The following SLCO5A1 variants were observed in gnomAD, a reference collection of about 807,000 sequenced individuals.
SLCO5A1 encodes organic anion transporter polypeptide-related protein 4.
A neutral mutation model predicts 65.1 loss-of-function variants in SLCO5A1; 39 were observed. The ratio of observed to expected loss-of-function variants is 0.60; its 90% confidence interval spans 0.46 to 0.78. The LOEUF is 0.78. SLCO5A1 is among the 30% of genes least tolerant of loss of function. The pLI is 0.00. For missense variants in SLCO5A1, 1,029 were observed against 1,069.4 expected (o/e 0.96, Z 0.53); for synonymous variants, 438 against 415.7 (o/e 1.05, Z -0.65).
chr8:69,685,520 G>A (rs987614192), intron 6 of SLCO5A1, among the ~76,000 whole-genome samples: 9 of 152,200 alleles, frequency 5.9e-5, no homozygotes, highest in African/African-American at 1.7e-4. Context: ...TAAGAGAATC[G>A]TGTTAACTCA....
chr8:69,800,804 C>T (rs887150582), intron 2 of SLCO5A1, among the ~76,000 whole-genome samples: 6 of 152,174 alleles, frequency 3.9e-5, no homozygotes, highest in Non-Finnish European at 5.9e-5. Flanking sequence ...AACGTTGCCA[C>T]CCCTTTGACA....
At chr8:69,784,796 A>G (rs1443896845) in intron 2 of SLCO5A1, among the ~76,000 whole-genome samples, 1 of 128,610 alleles carries the variant, frequency 7.8e-6, no homozygotes, top group Non-Finnish European at 1.6e-5. Context: ...TGAAAAAAAA[A>G]GAAAGAAAGA....
At chr8:69,718,777 T>C (rs1397508311) in intron 5 of SLCO5A1, among the ~76,000 whole-genome samples, 1 of 152,164 alleles carries the variant, frequency 6.6e-6, no homozygotes, top group East Asian at 1.9e-4. Context: ...GTAACTAAAA[T>C]TCCTGCCCAG....
At chr8:69,795,739 G>A (rs899972700) in intron 2 of SLCO5A1, among the ~76,000 whole-genome samples, 17 of 152,320 alleles carry the variant, frequency 1.1e-4, no homozygotes, top group Middle Eastern at 3.4e-3. Context: ...TTGTGTGGGG[G>A]CTCCAACCCC....
intron 2 of SLCO5A1, among the ~76,000 whole-genome samples, chr8:69,784,848 A>AAAGAAAGAAAGAAAGAAAGAAAGAAAGG (rs1563722782): frequency 6.2e-5 from 9 of 144,066 alleles, no homozygotes; most frequent in African/African-American, 2.0e-4. Flanking sequence ...AGAAAGAAAG[A>AAAGAAAGAAAGAAAGAAAGAAAGAAAGG]AAGAAAGAAA....
intron 6 of SLCO5A1, among the ~76,000 whole-genome samples, chr8:69,689,164 T>C (rs1486868200): frequency 2.9e-5 from 4 of 138,598 alleles, no homozygotes; most frequent in Non-Finnish European, 4.7e-5. Context: ...TCATATCCTT[T>C]GCCCACTTTT....
intron 2 of SLCO5A1, among the ~76,000 whole-genome samples, chr8:69,821,717 A>C (rs1219779929): frequency 6.6e-6 from 1 of 151,952 alleles, no homozygotes; most frequent in Non-Finnish European, 1.5e-5. Flanking sequence ...AGGTGGGAGA[A>C]ACACCTGAGC....
chr8:69,731,814 T>C (rs1044331542), intron 5 of SLCO5A1, among the ~76,000 whole-genome samples: 6 of 152,204 alleles, frequency 3.9e-5, no homozygotes, highest in Non-Finnish European at 8.8e-5. Flanking sequence ...ACCTTTCTCC[T>C]CTCTCAGAGC....
At chr8:69,728,319 G>A (rs183080169) in intron 5 of SLCO5A1, among the ~76,000 whole-genome samples, 1 of 152,230 alleles carries the variant, frequency 6.6e-6, no homozygotes, top group East Asian at 1.9e-4. Flanking sequence ...AAGAGAATTG[G>A]AAGAAACTGG....
chr8:69,798,915 T>G (rs1009473431), intron 2 of SLCO5A1, among the ~76,000 whole-genome samples: 1 of 152,224 alleles, frequency 6.6e-6, no homozygotes, highest in Non-Finnish European at 1.5e-5. Context: ...TTGACAACAA[T>G]AGAAGATTAA....
intron 2 of SLCO5A1, among the ~76,000 whole-genome samples, chr8:69,804,934 G>A (rs945073172): frequency 1.3e-5 from 2 of 152,168 alleles, no homozygotes; most frequent in Non-Finnish European, 2.9e-5. Context: ...CTGGATGAAA[G>A]AAAAGGGTGA....
At chr8:69,755,396 A>C in intron 4 of SLCO5A1, 28 bp downstream of exon 4, 1 of 1,586,244 alleles carries the variant, frequency 6.3e-7, no homozygotes, top group Non-Finnish European at 8.6e-7. Flanking sequence ...AGTGCCATGC[A>C]TGTATTTATT....
intron 6 of SLCO5A1, among the ~76,000 whole-genome samples, chr8:69,698,748 TTCA>T (rs1814601497): frequency 6.6e-6 from 1 of 152,232 alleles, no homozygotes; most frequent in African/African-American, 2.4e-5. Context: ...AAACTATCAC[TTCA>T]ATGTGAAAGA....
intron 5 of SLCO5A1, among the ~76,000 whole-genome samples, chr8:69,732,478 C>G (rs988755819): frequency 6.6e-6 from 1 of 152,218 alleles, no homozygotes; most frequent in East Asian, 1.9e-4. Context: ...AATCCTAAAT[C>G]CTTTGGAATA....
intron 5 of SLCO5A1, among the ~76,000 whole-genome samples, chr8:69,710,475 A>G (rs896568513): frequency 2.0e-5 from 3 of 152,034 alleles, no homozygotes; most frequent in Admixed American, 6.6e-5. Context: ...CTTACACCCA[A>G]TAGGTCCCTG....
chr8:69,811,608 T>G (rs371136375), intron 2 of SLCO5A1, among the ~76,000 whole-genome samples: 47 of 152,304 alleles, frequency 3.1e-4, no homozygotes, highest in African/African-American at 1.1e-3. Flanking sequence ...ATGGACGGGC[T>G]GAGCAAGCTT....
intron 2 of SLCO5A1, among the ~76,000 whole-genome samples, chr8:69,818,796 G>A (rs867397501): frequency 6.6e-6 from 1 of 152,068 alleles, no homozygotes; most frequent in Admixed American, 6.6e-5. Context: ...ACATATCTGT[G>A]GCACAAATTA....
At chr8:69,767,903 AAAAAAAAAC>A (rs1818133191) in intron 2 of SLCO5A1, among the ~76,000 whole-genome samples, 2 of 138,468 alleles carry the variant, frequency 1.4e-5, no homozygotes, top group African/African-American at 3.2e-5. Context: ...AAAAAAAAAA[AAAAAAAAAC>A]AAAAAGAAAA....
At chr8:69,694,730 GAGAAACC>G (rs1814425500) in intron 6 of SLCO5A1, among the ~76,000 whole-genome samples, 1 of 152,208 alleles carries the variant, frequency 6.6e-6, no homozygotes, top group Non-Finnish European at 1.5e-5. Flanking sequence ...CCTAGGACTT[GAGAAACC>G]AGAAAAATTC....
Sources: gnomAD v4.1 joint callset for allele counts (sites outside exome capture counted in the v4.1 genomes callset) on GRCh38, gnomAD v4.1.1 for gene constraint, MANE v1.5 for transcripts, NCBI Gene and HGNC (gene_info 2026-07-23, HGNC 2026-07-21) for gene names.